INSL6: variants seen among roughly 807,000 people sequenced by gnomAD.
INSL6 encodes the protein insulin like 6, also known as insulin-like peptide INSL6.
A neutral mutation model predicts 9.4 loss-of-function variants in INSL6; 16 were observed. The observed-to-expected ratio is 1.70, with a 90% CI of 1.15 to 2.59. INSL6 has a LOEUF of 2.59. INSL6 is among the 30% of genes most tolerant of loss of function. The pLI is 0.00. For missense variants in INSL6, 391 were observed against 257.3 expected (o/e 1.52, Z -3.56); for synonymous variants, 154 against 96.9 (o/e 1.59, Z -3.46).
At chr9:5,165,631 C>A (rs1186436765) in intron 1 of INSL6, among the ~76,000 whole-genome samples, 2 of 152,136 alleles carry the variant, frequency 1.3e-5, no homozygotes, top group Non-Finnish European at 2.9e-5. Context: ...TTATGCACAT[C>A]TTACAACTGA....
chr9:5,031,684 A>G, the INSL6 span, among the ~76,000 whole-genome samples: 1 of 152,260 alleles, frequency 6.6e-6, no homozygotes, highest in East Asian at 1.9e-4. Flanking sequence ...TTGCAAAACA[A>G]TAGAAAAAAT....
the INSL6 span, among the ~76,000 whole-genome samples, chr9:4,994,616 G>A: frequency 6.6e-6 from 1 of 152,174 alleles, no homozygotes; most frequent in African/African-American, 2.4e-5. Flanking sequence ...CCGCCTTTGT[G>A]GTGCAAAAGC....
At chr9:5,038,129 C>T in the INSL6 span, among the ~76,000 whole-genome samples, 1 of 152,088 alleles carries the variant, frequency 6.6e-6, no homozygotes, top group Non-Finnish European at 1.5e-5. Flanking sequence ...TTAAATATTT[C>T]TTCATGTACA....
At chr9:5,041,197 G>T in the INSL6 span, 19,922 of 1,436,700 alleles carry the variant, frequency 0.014, 211 homozygotes, top group Non-Finnish European at 0.017. Flanking sequence ...ACCAGGACGT[G>T]AAGCCCGAGA....
intron 2 of INSL6, among the ~76,000 whole-genome samples, chr9:5,143,994 T>C (rs1824552392): frequency 6.6e-6 from 1 of 152,214 alleles, no homozygotes; most frequent in Non-Finnish European, 1.5e-5. Context: ...TTCCTGTCTG[T>C]ATCTCCTTCA....
the INSL6 span, among the ~76,000 whole-genome samples, chr9:5,020,767 G>C: frequency 6.6e-6 from 1 of 152,146 alleles, no homozygotes; most frequent in Non-Finnish European, 1.5e-5. Context: ...CCAATGGCTT[G>C]TGCTTTGGTC....
At chr9:5,054,299 A>G in the INSL6 span, among the ~76,000 whole-genome samples, 1 of 152,074 alleles carries the variant, frequency 6.6e-6, no homozygotes, top group East Asian at 1.9e-4. This position sits in a 1 kb window ranked among gnomAD's most constrained non-coding sequence, Gnocchi z 4.9. Context: ...CTGAGGATTC[A>G]TTTCATTAGG....
the INSL6 span, among the ~76,000 whole-genome samples, chr9:5,067,898 A>G: frequency 5.3e-5 from 8 of 152,292 alleles, no homozygotes; most frequent in African/African-American, 1.9e-4. Context: ...TCACACCTGT[A>G]ATACCAGCAC....
the INSL6 span, chr9:5,091,706 T>C: frequency 6.6e-6 from 1 of 152,210 alleles, no homozygotes. Flanking sequence ...ACTTTTCTAG[T>C]CAAACTGGGT....
downstream of INSL6, among the ~76,000 whole-genome samples, chr9:5,119,086 A>G (rs973143243): frequency 6.6e-6 from 1 of 152,204 alleles, no homozygotes; most frequent in African/African-American, 2.4e-5. Flanking sequence ...TTTTAAATAT[A>G]TGATTTAAAC....
the INSL6 span, among the ~76,000 whole-genome samples, chr9:5,087,818 G>A: frequency 4.6e-5 from 7 of 152,060 alleles, no homozygotes; most frequent in African/African-American, 1.7e-4. Flanking sequence ...TAATAGAGAT[G>A]TACACAAATA....
At chr9:5,174,934 G>C (rs975126863) in intron 1 of INSL6, among the ~76,000 whole-genome samples, 1 of 151,122 alleles carries the variant, frequency 6.6e-6, no homozygotes, top group Non-Finnish European at 1.5e-5. Flanking sequence ...CAATGTTTTG[G>C]AGTCATTCTT....
downstream of INSL6, among the ~76,000 whole-genome samples, chr9:5,123,340 T>C (rs893583074): frequency 1.3e-5 from 2 of 152,020 alleles, no homozygotes. Flanking sequence ...CTCTATTGTC[T>C]ATCATTCCAC....
chr9:5,041,017 C>G, the INSL6 span: 1 of 665,138 alleles, frequency 1.5e-6, no homozygotes. Flanking sequence ...CCCGCAGCTG[C>G]ACCTGGGTAC....
chr9:5,152,848 C>T (rs796698083), intron 2 of INSL6, among the ~76,000 whole-genome samples: 3 of 152,250 alleles, frequency 2.0e-5, no homozygotes, highest in African/African-American at 7.2e-5. Context: ...ACTAAGGTAC[C>T]ACATTCATCT....
chr9:5,112,083 G>A, the INSL6 span: 4 of 381,208 alleles, frequency 1.0e-5, no homozygotes, highest in East Asian at 7.9e-5. Context: ...GAGTAAGATA[G>A]AAGACCACCT....
At chr9:5,031,882 C>T in the INSL6 span, among the ~76,000 whole-genome samples, 3 of 152,188 alleles carry the variant, frequency 2.0e-5, no homozygotes, top group African/African-American at 4.8e-5. Context: ...GTACCGGGTT[C>T]GTCTCACTGG....
chr9:4,999,486 C>G, the INSL6 span, among the ~76,000 whole-genome samples: 1 of 152,148 alleles, frequency 6.6e-6, no homozygotes, highest in African/African-American at 2.4e-5. Context: ...TTGTGATTGA[C>G]AGAACTTGCT....
the INSL6 span, among the ~76,000 whole-genome samples, chr9:5,072,910 G>A: frequency 9.9e-5 from 15 of 152,070 alleles, no homozygotes; most frequent in Admixed American, 6.6e-4. Context: ...GCTCCCCAGA[G>A]CTTTATGGGT....
Sources: allele counts gnomAD v4.1 joint callset (sites outside exome capture counted in the v4.1 genomes callset), GRCh38; gene constraint gnomAD v4.1.1; non-coding constraint Gnocchi (gnomAD v3.1); transcripts MANE v1.5; gene names NCBI Gene and HGNC (gene_info 2026-07-23, HGNC 2026-07-21).